DOCK1: variants seen among roughly 807,000 people sequenced by gnomAD.
The protein encoded by DOCK1 is dedicator of cytokinesis protein 1.
In DOCK1, 138 loss-of-function variants were observed where a neutral mutation model predicts 262.7. The observed-to-expected ratio is 0.53, with a 90% confidence interval of 0.46 to 0.61. DOCK1 has a LOEUF of 0.61. DOCK1 is among the 20% of genes least tolerant of loss of function. The pLI is 0.00. For missense variants in DOCK1, 1,908 were observed against 2,370.7 expected, an observed-to-expected ratio of 0.80 and a Z score of 4.05; for synonymous variants, 866 against 867.4, an observed-to-expected ratio of 1.00 and a Z score of 0.03.
Position 127,175,776 on chromosome 10 carries a change from G to C in DOCK1, c.2847+48012G>C. The C allele has an allele frequency of 6.2e-7, 1 of 1,614,150 alleles. No individual in the cohort carries two copies. Among genetic ancestry groups the C allele is most frequent in the Admixed American group, 1.7e-5 (1 of 60,020 alleles). ...AGGCCGAGTGGAGTTTTGGAGCGCA[G>C]CTTCTCCATAGCTGAGCGGCTCCGG... is the stretch of plus-strand genomic sequence containing the variant. On this transcript the variant is annotated intron_variant, in intron 27 of 51. Coordinates refer to ENST00000623213, the MANE Select transcript of DOCK1 (RefSeq NM_001290223.2). The surrounding 1 kb of genome is among the most constrained non-coding windows in gnomAD (Gnocchi z 6.3).
At chr10:127,343,795 A>T in intron 31 of DOCK1, 49 bp downstream of exon 31, 1 of 1,402,270 alleles carries the variant, frequency 7.1e-7, no homozygotes, top group Middle Eastern at 1.8e-4. Flanking sequence ...CTCCAACTCT[A>T]ATCGCATAAT....
chr10:127,438,459 T>C (rs1445128405), intron 48 of DOCK1, among the ~76,000 whole-genome samples: 1 of 152,194 alleles, frequency 6.6e-6, no homozygotes, highest in Non-Finnish European at 1.5e-5. Context: ...AGACCTAGAA[T>C]GCAGGTCTTC....
chr10:127,145,941 G>A (rs76380305), intron 27 of DOCK1: 2 of 481,888 alleles, frequency 4.2e-6, no homozygotes, highest in Admixed American at 2.0e-5. Flanking sequence ...TCTCAAACAG[G>A]TTCTTTCAAG....
intron 43 of DOCK1, among the ~76,000 whole-genome samples, chr10:127,414,901 A>C (rs1409174603): frequency 6.6e-6 from 1 of 152,208 alleles, no homozygotes; most frequent in African/African-American, 2.4e-5. Flanking sequence ...TCATTGTCAA[A>C]TACCAGAGTG....
At chr10:127,232,322 G>C (rs1261396916) in intron 27 of DOCK1, among the ~76,000 whole-genome samples, 1 of 152,080 alleles carries the variant, frequency 6.6e-6, no homozygotes, top group Non-Finnish European at 1.5e-5. Context: ...TGAATGTCTT[G>C]TATATTTAGA....
At chr10:127,242,254 C>T (rs2059290116) in intron 27 of DOCK1, among the ~76,000 whole-genome samples, 2 of 152,182 alleles carry the variant, frequency 1.3e-5, no homozygotes, top group Admixed American at 6.5e-5. Context: ...TAGGCAACCC[C>T]TAAGTATATT....
intron 38 of DOCK1, among the ~76,000 whole-genome samples, chr10:127,392,796 C>T (rs1050733284): frequency 4.6e-5 from 7 of 152,296 alleles, no homozygotes; most frequent in African/African-American, 1.4e-4. Flanking sequence ...TGCCACGTGC[C>T]GCATCACAGT....
chr10:127,300,117 C>G (rs777971057), intron 29 of DOCK1, among the ~76,000 whole-genome samples: 2 of 152,168 alleles, frequency 1.3e-5, no homozygotes, highest in Non-Finnish European at 2.9e-5. Flanking sequence ...TCAGCAAACA[C>G]TGACCTGGCT....
chr10:127,121,295 G>C (rs1162787686), intron 25 of DOCK1, among the ~76,000 whole-genome samples: 2 of 150,962 alleles, frequency 1.3e-5, no homozygotes, highest in African/African-American at 4.9e-5. Flanking sequence ...GAACTAATGG[G>C]ACTATCAGTG....
chr10:127,366,697 G>A (rs934850258), intron 33 of DOCK1, among the ~76,000 whole-genome samples: 1 of 152,202 alleles, frequency 6.6e-6, no homozygotes, highest in East Asian at 1.9e-4. Context: ...GTGTAGAGTG[G>A]ACATGTGTGT....
chr10:127,402,650 G>A, intron 38 of DOCK1: 1 of 519,092 alleles, frequency 1.9e-6, no homozygotes, highest in South Asian at 1.4e-5. Context: ...GCCAAGTCAG[G>A]CGCCCAGTTT....
At chr10:127,388,115 T>G (rs4271307) in intron 38 of DOCK1, among the ~76,000 whole-genome samples, 121,741 of 152,024 alleles carry the variant, frequency 0.8, 48,835 homozygotes, top group African/African-American at 0.85. Flanking sequence ...GAGAAAGCCC[T>G]CCTTAGAAAA....
chr10:127,328,119 CA>C (rs11301683), intron 29 of DOCK1, among the ~76,000 whole-genome samples: 18,170 of 72,636 alleles, frequency 0.25, 1,062 homozygotes, highest in African/African-American at 0.39. Context: ...TACAAATGGG[CA>C]AAAAAAAAAA....
intron 25 of DOCK1, among the ~76,000 whole-genome samples, chr10:127,111,469 G>A (rs973303140): frequency 6.6e-6 from 1 of 152,100 alleles, no homozygotes; most frequent in African/African-American, 2.4e-5. Context: ...GGGACTCAAA[G>A]CACATGACGC....
rs562349876 is a variant in DOCK1, at chr10:127,024,328, G to A, written c.1453-357G>A. 2.2e-3 allele frequency among the ~76,000 whole-genome samples: 331 copies of A among 152,294 alleles called. 4 individuals carry two copies. Among genetic ancestry groups the A allele is most frequent in the Non-Finnish European group, 1.4e-3 (97 of 68,028 alleles). The stretch of plus-strand genomic sequence containing the variant: ...TGTTCATGGCTGGAGGAAGGGGAGG[G>A]GAGGGTTCCCACTTTTTAGTCTACA... On this transcript the variant is annotated intron_variant, in intron 14 of 51. Transcript: ENST00000623213.
chr10:127,200,520 G>C (rs2057404613), intron 27 of DOCK1, among the ~76,000 whole-genome samples: 1 of 151,980 alleles, frequency 6.6e-6, no homozygotes, highest in Non-Finnish European at 1.5e-5. Flanking sequence ...CCATGTTCAA[G>C]CAATTCTCGT....
chr10:127,318,299 G>A (rs934614105), intron 29 of DOCK1, among the ~76,000 whole-genome samples: 4 of 152,202 alleles, frequency 2.6e-5, no homozygotes, highest in African/African-American at 9.6e-5. Context: ...AGAAGTTGGG[G>A]GTGGAGAGGA....
chr10:127,326,121 T>C (rs1033395101), intron 29 of DOCK1, among the ~76,000 whole-genome samples: 4 of 152,212 alleles, frequency 2.6e-5, no homozygotes, highest in African/African-American at 9.7e-5. Context: ...CTTGCGTCAA[T>C]GTTGATGGCT....
At chr10:127,153,874 T>A in intron 27 of DOCK1, 1 of 1,612,766 alleles carries the variant, frequency 6.2e-7, no homozygotes, top group Non-Finnish European at 8.5e-7. Context: ...CATGCACTGT[T>A]CCTGCATGTG....
Sources: gnomAD v4.1 joint callset for allele counts (sites outside exome capture counted in the v4.1 genomes callset) on GRCh38, gnomAD v4.1.1 for gene constraint, Gnocchi (gnomAD v3.1) non-coding constraint, MANE v1.5 for transcripts, NCBI Gene and HGNC (gene_info 2026-07-23, HGNC 2026-07-21) for gene names.